Variants in AKAP8L observed in about 807,000 individuals in gnomAD.
AKAP8L encodes A-kinase anchoring protein 8 like, also known as A-kinase anchor protein 8-like.
Under a neutral mutation model 77.5 loss-of-function variants are expected in AKAP8L, and 34 were observed. That is an observed-to-expected ratio of 0.44 (90% CI 0.33 to 0.58). The LOEUF is 0.58. Ranked by LOEUF, AKAP8L falls within the 20% of genes least tolerant of loss-of-function variation. The pLI is 0.02. For missense variants in AKAP8L, 806 were observed against 887.6 expected, an observed-to-expected ratio of 0.91 and a Z score of 1.17; for synonymous variants, 342 against 340.7, an observed-to-expected ratio of 1.00 and a Z score of -0.04.
At chr19:15,394,259 T>A (rs899723370) in intron 12 of AKAP8L, among the ~76,000 whole-genome samples, 1 of 152,196 alleles carries the variant, frequency 6.6e-6, no homozygotes, top group Non-Finnish European at 1.5e-5. Context: ...GAAGTTCTGA[T>A]ACATGCTACA....
At chr19:15,382,207 A>AT (rs762900125) in intron 12 of AKAP8L, among the ~76,000 whole-genome samples, 99 of 119,470 alleles carry the variant, frequency 8.3e-4, no homozygotes, top group South Asian at 1.1e-3. Context: ...TCACATTTAA[A>AT]TTTTTTTTTT....
chr19:15,388,531 T>C (rs908269945), intron 12 of AKAP8L, among the ~76,000 whole-genome samples: 33 of 152,234 alleles, frequency 2.2e-4, no homozygotes, highest in African/African-American at 7.9e-4. Flanking sequence ...ATAGAAATGA[T>C]AATAATAAAA....
chr19:15,399,012 G>C lies in AKAP8L; in HGVS notation c.1157+290C>G, dbSNP rs1967833089. 2 of 439,218 alleles carry C rather than the reference G, an allele frequency of 4.6e-6. No individual in the cohort carries two copies. Among genetic ancestry groups the C allele is most frequent in the Non-Finnish European group, 8.3e-6 (2 of 240,130 alleles). 27.2% of individuals were successfully genotyped at this position (439,218 alleles called of 1,614,324 possible). A position where few individuals can be genotyped will look rare whatever the true frequency, so the allele number is the denominator to read the frequency against. ...GGGCATCAGGCCCCCAGTGCACCTT[G>C]GGGTTCGTGCGCCGAGTGACCTAGC... On this transcript the variant is annotated intron_variant, in intron 9 of 13. Transcript: ENST00000397410. The surrounding 1 kb of genome is among the most constrained non-coding windows in gnomAD (Gnocchi z 6.1).
intron 1 of AKAP8L, among the ~76,000 whole-genome samples, chr19:15,415,817 C>T (rs532256412): frequency 1.3e-4 from 19 of 150,146 alleles, no homozygotes; most frequent in South Asian, 2.2e-4. Context: ...ACCTGGGAGG[C>T]GGAGCTTGCA....
chr19:15,393,274 G>A (rs1252735666), intron 12 of AKAP8L, among the ~76,000 whole-genome samples: 1 of 152,102 alleles, frequency 6.6e-6, no homozygotes, highest in South Asian at 2.1e-4. Context: ...TCGTGACCTT[G>A]GATTTATCAA....
Position 15,400,929 on chromosome 19 carries a change from AC to A in AKAP8L, c.913+17del, listed in dbSNP as rs1239216227. 1 of 1,613,896 alleles carries A rather than the reference AC, an allele frequency of 6.2e-7. No homozygotes were observed. Among genetic ancestry groups the A allele is most frequent in the East Asian group, 2.2e-5 (1 of 44,868 alleles). On this transcript the variant is annotated intron_variant, in intron 6 of 13. Transcript: ENST00000397410. The stretch of plus-strand genomic sequence containing the variant: ...CAGAGGCAGGGGGCAGCCGCCCAGT[AC>A]CACCTAGTGGGCTCACCATTGTCTG...
rs745658830 is a variant in AKAP8L, at chr19:15,399,453, G to A, written c.1049-43C>T. On this transcript the variant is annotated intron_variant, in intron 8 of 13. Transcript: ENST00000397410. This position sits in a 1 kb window ranked among gnomAD's most constrained non-coding sequence, Gnocchi z 6.1. ...CACTGTCACCAATTTGGCTCTGCCA[G>A]GACAGGGCAGGCCCTGCGGCCTCTG... The A allele has an allele frequency of 6.2e-6, 9 of 1,460,270 alleles. No individual in the cohort carries two copies. The highest frequency in any genetic ancestry group is 7.7e-6 in the Non-Finnish European group (8 of 1,040,918). The allele number at this position is 1,460,270 out of a possible 1,614,324, so 90.5% of individuals were successfully genotyped here.
intron 12 of AKAP8L, among the ~76,000 whole-genome samples, chr19:15,385,692 TG>T (rs1290789873): frequency 6.6e-6 from 1 of 151,286 alleles, no homozygotes; most frequent in African/African-American, 2.4e-5. Flanking sequence ...CTCAACCTCC[TG>T]GGCTCAGGTG....
In AKAP8L at chr19:15,398,572, G is replaced by A. The variant is rs1053460943; in HGVS notation, c.1158-717C>T. ...TCTGGGGCCTGGGCCGGAGCAGGCC[G>A]CCGTGGCAAGGGGCGGAGGAGGCCA... On this transcript the variant is annotated intron_variant, in intron 9 of 13. Coordinates refer to ENST00000397410, the MANE Select transcript of AKAP8L (RefSeq NM_014371.4). This position sits in a 1 kb window ranked among gnomAD's most constrained non-coding sequence, Gnocchi z 9.2. 1.3e-5 allele frequency: 13 copies of A among 986,870 alleles called. No individual in the cohort carries two copies. The highest frequency in any genetic ancestry group is 1.1e-4 in the East Asian group (1 of 8,844). 61.1% of individuals were successfully genotyped at this position (986,870 alleles called of 1,614,324 possible).
chr19:15,387,713 CA>C (rs1967568394), intron 12 of AKAP8L, among the ~76,000 whole-genome samples: 1 of 152,200 alleles, frequency 6.6e-6, no homozygotes, highest in Non-Finnish European at 1.5e-5. Flanking sequence ...GTAATCCCAG[CA>C]CCTTGTGAGG....
Position 15,395,991 on chromosome 19 carries a change from A to AAAAAAAAAG in AKAP8L, c.1536+1158_1536+1159insCTTTTTTTT, listed in dbSNP as rs775311347. On this transcript the variant is annotated intron_variant, in intron 12 of 13. Coordinates refer to ENST00000397410, the MANE Select transcript of AKAP8L (RefSeq NM_014371.4). ...AGAGCGAGACTCCGTCTCAAAAAAAAAAAAAAAAAAAGAATCTGTTTTTGG... is the reference window on the plus strand; with the variant it reads ...AGAGCGAGACTCCGTCTCAAAAAAAAAAAAAAAAGAAAAAAAAAAAGAATCTGTTTTTGG... Among the ~76,000 whole-genome samples, 203 of 138,924 alleles carry AAAAAAAAAG rather than the reference A, an allele frequency of 1.5e-3. 6 individuals are homozygous for AAAAAAAAAG. The highest frequency in any genetic ancestry group is 5.6e-3 in the African/African-American group (194 of 34,656). The allele number at this position is 138,924 out of a possible 152,430, so 91.1% of individuals were successfully genotyped here.
intron 1 of AKAP8L, among the ~76,000 whole-genome samples, chr19:15,415,778 T>C (rs901018802): frequency 7.3e-5 from 11 of 150,898 alleles, no homozygotes; most frequent in Admixed American, 2.0e-4. Context: ...CCCAGCTACT[T>C]GGGAGGCGGA....
At chr19:15,381,650 C>T (rs1178027239) in intron 12 of AKAP8L, among the ~76,000 whole-genome samples, 1 of 151,714 alleles carries the variant, frequency 6.6e-6, no homozygotes. Context: ...GTTTTCTCTA[C>T]TACTGGAGGA....
chr19:15,410,801 G>A (rs550578051), intron 1 of AKAP8L, among the ~76,000 whole-genome samples: 1 of 152,210 alleles, frequency 6.6e-6, no homozygotes, highest in South Asian at 2.1e-4. Context: ...ATACCAGGAG[G>A]ACTAGATTAA....
chr19:15,390,552 A>G (rs1967639614), intron 12 of AKAP8L, among the ~76,000 whole-genome samples: 2 of 152,168 alleles, frequency 1.3e-5, no homozygotes, highest in African/African-American at 4.8e-5. Context: ...GAAACCAGAA[A>G]AGGAAGAAAA....
In AKAP8L at chr19:15,397,761, T is replaced by TA. The variant is rs1256318033; in HGVS notation, c.1251dup (p.Lys418Ter). On this transcript the variant is annotated frameshift_variant, in exon 10 of 14. Transcript: ENST00000397410. LOFTEE classifies it high-confidence loss of function. The surrounding 1 kb of genome is among the most constrained non-coding windows in gnomAD (Gnocchi z 4.7). ...TTAGGGAGCTTGGTGCCTACGTACT[T>TA]AAAGTGTTCCTTGTGGAACTTGCTG... is the stretch of plus-strand genomic sequence containing the variant. The TA allele has an allele frequency of 3.7e-6, 6 of 1,613,846 alleles. No homozygotes were observed. Among genetic ancestry groups the TA allele is most frequent in the African/African-American group, 2.7e-5 (2 of 74,902 alleles).
rs777210227 is a variant in AKAP8L at position 15,397,128 on chromosome 19, G to A, written c.1536+22C>T. ...CACTCAATCTACCCACAGGACAGAG[G>A]GAGAGCACTGTGGCCACTCACCCTG... On this transcript the variant is annotated intron_variant, in intron 12 of 13. Transcript: ENST00000397410. The surrounding 1 kb of genome is among the most constrained non-coding windows in gnomAD (Gnocchi z 4.7). 1.2e-5 allele frequency: 19 copies of A among 1,612,938 alleles called. No homozygotes were observed. Among genetic ancestry groups the A allele is most frequent in the East Asian group, 8.9e-5 (4 of 44,860 alleles).
At position 15,399,642 on chromosome 19, in the gene AKAP8L, CA is replaced by C; in HGVS notation, c.1049-233del. ...GCGATGACCCCTCCACTCTCCAGGA[CA>C]CCCATGCTCTCTGTGCAGTGGGCCA... On this transcript the variant is annotated intron_variant, in intron 8 of 13. Coordinates refer to ENST00000397410, the MANE Select transcript of AKAP8L (RefSeq NM_014371.4). This position sits in a 1 kb window ranked among gnomAD's most constrained non-coding sequence, Gnocchi z 6.1. The C allele has an allele frequency of 1.8e-6, 1 of 560,842 alleles. No individual in the cohort carries two copies. Among genetic ancestry groups the C allele is most frequent in the Non-Finnish European group, 3.2e-6 (1 of 311,834 alleles). 34.7% of individuals were successfully genotyped at this position (560,842 alleles called of 1,614,324 possible).
intron 12 of AKAP8L, chr19:15,383,666 T>A (rs1967464463): frequency 6.6e-6 from 1 of 152,176 alleles, no homozygotes; most frequent in South Asian, 2.1e-4. Flanking sequence ...TAATTATCAC[T>A]TTTTTTGTTT....
Sources: allele counts gnomAD v4.1 joint callset (sites outside exome capture counted in the v4.1 genomes callset), GRCh38; gene constraint gnomAD v4.1.1; non-coding constraint Gnocchi (gnomAD v3.1); transcripts MANE v1.5; gene names NCBI Gene and HGNC (gene_info 2026-07-23, HGNC 2026-07-21).